RAB8A: variants seen among roughly 807,000 people sequenced by gnomAD.
The protein encoded by RAB8A is ras-related protein Rab-8A.
Under a neutral mutation model 29.2 loss-of-function variants are expected in RAB8A, and 5 were observed. The observed-to-expected ratio is 0.17, with a 90% confidence interval of 0.09 to 0.36. The LOEUF (loss-of-function observed/expected upper bound fraction) is 0.36. RAB8A is among the 10% of genes least tolerant of loss of function. The probability of loss-of-function intolerance (pLI) is 1.00; values close to 1 mark genes in which losing one functional copy is unlikely to be tolerated. For synonymous variants in RAB8A, 108 were observed against 99.9 expected, an observed-to-expected ratio of 1.08 and a Z score of -0.49; for missense variants, 171 against 272.2, an observed-to-expected ratio of 0.63 and a Z score of 2.62.
intron 1 of RAB8A, 54 bp downstream of exon 1, chr19:16,112,079 C>T (rs2144980405): frequency 6.2e-7 from 1 of 1,602,250 alleles, no homozygotes; most frequent in South Asian, 1.1e-5. Context: ...TGGGCGCGCC[C>T]CTGAGGGGCT....
chr19:16,118,728 C>A (rs1425801620), intron 2 of RAB8A, among the ~76,000 whole-genome samples: 1 of 152,172 alleles, frequency 6.6e-6, no homozygotes, highest in African/African-American at 2.4e-5. Flanking sequence ...CCTCTTTTCT[C>A]CCCTGGGGCA....
intron 3 of RAB8A, among the ~76,000 whole-genome samples, chr19:16,123,461 G>C (rs2090883693): frequency 6.6e-6 from 1 of 152,154 alleles, no homozygotes; most frequent in East Asian, 1.9e-4. Flanking sequence ...ACAAAAATTA[G>C]CTGGGCGTGG....
Position 16,132,107 on chromosome 19 carries a change from TGGTTGGA to T in RAB8A, c.532-104_532-98del, listed in dbSNP as rs1175835585. On this transcript the variant is annotated intron_variant, in intron 7 of 7. Coordinates refer to ENST00000300935, the MANE Select transcript of RAB8A (RefSeq NM_005370.5). This position sits in a 1 kb window ranked among gnomAD's most constrained non-coding sequence, Gnocchi z 5.6. Reference sequence around the variant, plus strand: ...TTGGTTGGTTGGTTGGTTGGTTGGATGGTTGGATGGATGGTTAGGTGGATGGTTAGGT... The same window carrying T: ...TTGGTTGGTTGGTTGGTTGGTTGGATTGGATGGTTAGGTGGATGGTTAGGT... 23 of 908,758 alleles carry T rather than the reference TGGTTGGA, an allele frequency of 2.5e-5. No homozygotes were observed. Among genetic ancestry groups the T allele is most frequent in the Non-Finnish European group, 3.9e-5 (22 of 570,730 alleles). The allele number at this position is 908,758 out of a possible 1,614,324, so 56.3% of individuals were successfully genotyped here.
intron 1 of RAB8A, 116 bp downstream of exon 1, chr19:16,112,141 AG>A (rs2090826443): frequency 7.0e-7 from 1 of 1,419,944 alleles, no homozygotes; most frequent in South Asian, 1.3e-5. Flanking sequence ...GAGAGGGTCG[AG>A]GGGGCCTAAA....
chr19:16,125,130 C>T lies in RAB8A; in HGVS notation c.247-340C>T. 1 of 413,622 alleles carries T rather than the reference C, an allele frequency of 2.4e-6. No individual in the cohort carries two copies. Among genetic ancestry groups the T allele is most frequent in the Admixed American group, 3.5e-5 (1 of 28,424 alleles). 25.6% of individuals were successfully genotyped at this position (413,622 alleles called of 1,614,324 possible). A position where few individuals can be genotyped will look rare whatever the true frequency, so the allele number is the denominator to read the frequency against. On this transcript the variant is annotated intron_variant, in intron 3 of 7. Coordinates refer to ENST00000300935, the MANE Select transcript of RAB8A (RefSeq NM_005370.5). The surrounding 1 kb of genome is among the most constrained non-coding windows in gnomAD (Gnocchi z 5.0). ...TGCTGGCAGTGGGCCTGTGGACCGG[C>T]TCCCACCGTCAGGCTGCACCACCCC...
intron 7 of RAB8A, among the ~76,000 whole-genome samples, chr19:16,130,580 T>C (rs985536801): frequency 6.6e-6 from 1 of 152,166 alleles, no homozygotes; most frequent in African/African-American, 2.4e-5. Context: ...TAATTTGGGA[T>C]TTTCTTGCAA....
intron 2 of RAB8A, among the ~76,000 whole-genome samples, chr19:16,121,317 T>C (rs2090874631): frequency 6.6e-6 from 1 of 152,182 alleles, no homozygotes; most frequent in South Asian, 2.1e-4. Flanking sequence ...TCCCGGGCAA[T>C]AGGCCCTGTG....
At position 16,125,727 on chromosome 19, in the gene RAB8A, C is replaced by T. The variant is rs770632189; in HGVS notation, c.324+180C>T. The T allele has an allele frequency of 3.9e-5, 28 of 718,058 alleles. No individual in the cohort carries two copies. The highest frequency in any genetic ancestry group is 6.0e-5 in the Admixed American group (3 of 49,854). 44.5% of individuals were successfully genotyped at this position (718,058 alleles called of 1,614,324 possible). The stretch of plus-strand genomic sequence containing the variant: ...CAAGCAGCCGGCCCCAGGGACCACA[C>T]ACTGGCCTGGCCCCACCCCGGAGCC... On this transcript the variant is annotated intron_variant, in intron 4 of 7. Transcript: ENST00000300935. This position sits in a 1 kb window ranked among gnomAD's most constrained non-coding sequence, Gnocchi z 5.0.
At chr19:16,120,831 G>C (rs758200209) in intron 2 of RAB8A, among the ~76,000 whole-genome samples, 17 of 151,774 alleles carry the variant, frequency 1.1e-4, no homozygotes, top group Non-Finnish European at 1.9e-4. Context: ...GGCCGGTCTC[G>C]AACTCCTGGC....
chr19:16,130,153 CT>C (rs75161148), intron 7 of RAB8A, among the ~76,000 whole-genome samples: 24,198 of 147,222 alleles, frequency 0.16, 2,107 homozygotes, highest in East Asian at 0.3. Context: ...TCGTTTCTTG[CT>C]TTTTTTTTTT....
At position 16,117,087 on chromosome 19, in the gene RAB8A, A is replaced by G. The variant is rs527289841; in HGVS notation, c.125-1139A>G. On this transcript the variant is annotated intron_variant, in intron 1 of 7. Coordinates refer to ENST00000300935, the MANE Select transcript of RAB8A (RefSeq NM_005370.5). ...TGTCTTCAAGGTTCATCCACATTGTATAGCATGGATGAGTACTCCGTTCCT... is the reference window on the plus strand; with the variant it reads ...TGTCTTCAAGGTTCATCCACATTGTGTAGCATGGATGAGTACTCCGTTCCT... Among the ~76,000 whole-genome samples, 9 of 152,298 alleles carry G rather than the reference A, an allele frequency of 5.9e-5. No individual in the cohort carries two copies. The East Asian group carries it at 1.7e-3, about 29-fold the overall frequency.
intron 7 of RAB8A, among the ~76,000 whole-genome samples, chr19:16,130,291 G>A (rs189762916): frequency 2.3e-4 from 35 of 151,970 alleles, no homozygotes; most frequent in Non-Finnish European, 3.8e-4. Context: ...TTCCTCCCTC[G>A]CCCTGGTTCC....
chr19:16,129,303 G>A (rs1282414964), intron 6 of RAB8A, among the ~76,000 whole-genome samples: 1 of 152,150 alleles, frequency 6.6e-6, no homozygotes, highest in African/African-American at 2.4e-5. Flanking sequence ...GTAAAGTCCC[G>A]TCAATGCTAA....
intron 1 of RAB8A, among the ~76,000 whole-genome samples, chr19:16,113,539 T>C (rs1355190058): frequency 1.3e-5 from 2 of 152,058 alleles, no homozygotes; most frequent in East Asian, 3.9e-4. Flanking sequence ...GTAGCTGGGA[T>C]TATAGGCACC....
rs1475790376 is a variant in RAB8A at position 16,133,724 on chromosome 19, A to G, written c.*1420A>G. Reference sequence around the variant, plus strand: ...CTGGACAAGATGGTAGAGCCCATGGATTACCCCATCGAGCGGCCACCTCAG... The same window carrying G: ...CTGGACAAGATGGTAGAGCCCATGGGTTACCCCATCGAGCGGCCACCTCAG... On this transcript the variant is annotated 3_prime_UTR_variant, in exon 8 of 8. Transcript: ENST00000300935. 1.3e-5 allele frequency: 2 copies of G among 152,470 alleles called. No homozygotes were observed. Among genetic ancestry groups the G allele is most frequent in the African/African-American group, 4.8e-5 (2 of 41,440 alleles). The allele number at this position is 152,470 out of a possible 1,614,324, so 9.4% of individuals were successfully genotyped here.
rs2144992711 is a variant in RAB8A, at chr19:16,125,292, A to G, written c.247-178A>G. On this transcript the variant is annotated intron_variant, in intron 3 of 7. Transcript: ENST00000300935. The surrounding 1 kb of genome is among the most constrained non-coding windows in gnomAD (Gnocchi z 5.0). The stretch of plus-strand genomic sequence containing the variant: ...AGAACCCAGCAGAAAGAAGGGCCAC[A>G]GGGATGGAGAGGAGGGGGCTGGCTT... The G allele has an allele frequency of 3.2e-6, 2 of 622,870 alleles. No individual in the cohort carries two copies. The highest frequency in any genetic ancestry group is 1.8e-5 in the South Asian group (1 of 54,290). 38.6% of individuals were successfully genotyped at this position (622,870 alleles called of 1,614,324 possible).
At chr19:16,118,630 C>T (rs182137589) in intron 2 of RAB8A, among the ~76,000 whole-genome samples, 6 of 152,270 alleles carry the variant, frequency 3.9e-5, no homozygotes, top group Admixed American at 2.0e-4. Context: ...GTGCTGGTGA[C>T]GCCTGCAGGG....
rs1188446241 is a variant in RAB8A at position 16,125,639 on chromosome 19, A to G, written c.324+92A>G. 1 of 1,222,126 alleles carries G rather than the reference A, an allele frequency of 8.2e-7. No homozygotes were observed. The highest frequency in any genetic ancestry group is 1.3e-5 in the South Asian group (1 of 78,172). The allele number at this position is 1,222,126 out of a possible 1,614,324, so 75.7% of individuals were successfully genotyped here. On this transcript the variant is annotated intron_variant, in intron 4 of 7. Transcript: ENST00000300935. This position sits in a 1 kb window ranked among gnomAD's most constrained non-coding sequence, Gnocchi z 5.0. ...CATGAGAAGGCCAAGGTGCAGAGAC[A>G]CATACAGGCCACTTGCCCACAGCCT...
chr19:16,119,469 T>C (rs1316842646), intron 2 of RAB8A, among the ~76,000 whole-genome samples: 2 of 151,958 alleles, frequency 1.3e-5, no homozygotes, highest in African/African-American at 4.8e-5. Context: ...CCTCCCAAAG[T>C]GCTGGGATTA....
Sources: allele counts gnomAD v4.1 joint callset (sites outside exome capture counted in the v4.1 genomes callset), GRCh38; gene constraint gnomAD v4.1.1; non-coding constraint Gnocchi (gnomAD v3.1); transcripts MANE v1.5; gene names NCBI Gene and HGNC (gene_info 2026-07-23, HGNC 2026-07-21).